FOXP2: variants seen among roughly 807,000 people sequenced by gnomAD.
The protein encoded by FOXP2 is forkhead box protein P2.
A neutral mutation model predicts 115.8 loss-of-function variants in FOXP2; 12 were observed. The observed-to-expected ratio is 0.10, with a 90% confidence interval of 0.07 to 0.17. FOXP2 has a LOEUF of 0.17. Among genes scored for constraint, FOXP2 ranks in the 10% least tolerant of loss-of-function variants. The probability of loss-of-function intolerance (pLI) is 1.00; values close to 1 mark genes in which losing one functional copy is unlikely to be tolerated. For missense variants in FOXP2, 629 were observed against 843.5 expected (o/e 0.75, Z 3.15); for synonymous variants, 328 against 297.7 (o/e 1.10, Z -1.05).
intron 1 of FOXP2, among the ~76,000 whole-genome samples, chr7:114,123,351 C>CAAAA (rs35721597): frequency 1.3e-5 from 1 of 78,368 alleles, no homozygotes; most frequent in South Asian, 4.5e-4. Flanking sequence ...AAAGCCCTGT[C>CAAAA]AAAAAAAAAA....
At chr7:114,342,561 C>T (rs1791243886) in intron 2 of FOXP2, among the ~76,000 whole-genome samples, 1 of 151,222 alleles carries the variant, frequency 6.6e-6, no homozygotes. Context: ...TTAAATGACA[C>T]CCATTTTGAA....
Position 114,691,198 on chromosome 7 carries a change from G to A in FOXP2, c.*1272G>A, listed in dbSNP as rs191245091. The A allele has an allele frequency of 2.0e-5, 9 of 453,822 alleles. No homozygotes were observed. Among genetic ancestry groups the A allele is most frequent in the Admixed American group, 1.6e-4 (7 of 42,540 alleles). The allele number at this position is 453,822 out of a possible 1,614,324, so 28.1% of individuals were successfully genotyped here. A position where few individuals can be genotyped will look rare whatever the true frequency, so the allele number is the denominator to read the frequency against. On this transcript the variant is annotated 3_prime_UTR_variant, in exon 17 of 17. Coordinates refer to ENST00000350908, the MANE Select transcript of FOXP2 (RefSeq NM_014491.4). ...CAGTTATTTTCAGTGGTGAATACAT[G>A]TTGTTAGAAGATGTCTTGTATGGTC... is the stretch of plus-strand genomic sequence containing the variant.
chr7:114,281,070 G>A (rs1796323430), intron 1 of FOXP2, among the ~76,000 whole-genome samples: 1 of 146,836 alleles, frequency 6.8e-6, no homozygotes, highest in Admixed American at 6.9e-5. Flanking sequence ...GACTGAAGGT[G>A]AGAAAGGCTT....
At chr7:114,118,803 A>G (rs1206372251) in intron 1 of FOXP2, among the ~76,000 whole-genome samples, 1 of 152,114 alleles carries the variant, frequency 6.6e-6, no homozygotes, top group Non-Finnish European at 1.5e-5. Flanking sequence ...ACAGTTACAG[A>G]GGTTTGCACA....
chr7:114,640,872 TG>T (rs1206247742), intron 6 of FOXP2, among the ~76,000 whole-genome samples: 4 of 152,134 alleles, frequency 2.6e-5, no homozygotes, highest in African/African-American at 9.7e-5. Flanking sequence ...TTGGGTGATT[TG>T]GGGGAACATA....
chr7:114,524,782 C>A (rs560477347), intron 2 of FOXP2, among the ~76,000 whole-genome samples: 71 of 152,028 alleles, frequency 4.7e-4, no homozygotes, highest in Non-Finnish European at 5.1e-4. Flanking sequence ...TACATTGCGA[C>A]GTAATTAAAT....
chr7:114,099,693 C>T (rs928391662), intron 1 of FOXP2, among the ~76,000 whole-genome samples: 2 of 152,108 alleles, frequency 1.3e-5, no homozygotes, highest in Admixed American at 1.3e-4. Flanking sequence ...GCATTGGTTC[C>T]AGGACCTCCC....
At chr7:114,365,836 TACCA>T (rs1791866316) in intron 2 of FOXP2, among the ~76,000 whole-genome samples, 6 of 152,294 alleles carry the variant, frequency 3.9e-5, no homozygotes, top group Non-Finnish European at 8.8e-5. Flanking sequence ...ATTACATCTC[TACCA>T]TCTATGGCTA....
chr7:114,593,949 A>G (rs1396207590), intron 3 of FOXP2, among the ~76,000 whole-genome samples: 2 of 152,040 alleles, frequency 1.3e-5, no homozygotes, highest in Non-Finnish European at 2.9e-5. Context: ...TCTTTACCTA[A>G]GTTTACCTAA....
chr7:114,647,920 G>A (rs535689708), intron 8 of FOXP2, among the ~76,000 whole-genome samples: 15 of 152,108 alleles, frequency 9.9e-5, no homozygotes, highest in African/African-American at 3.6e-4. Flanking sequence ...AGATACAAAG[G>A]TGGAAATACT....
At chr7:114,367,198 G>A (rs751467592) in intron 2 of FOXP2, among the ~76,000 whole-genome samples, 7 of 152,010 alleles carry the variant, frequency 4.6e-5, no homozygotes, top group Non-Finnish European at 8.8e-5. Context: ...GCCCATGAAT[G>A]AATAAAGTGG....
chr7:114,301,845 C>T (rs903715766), intron 2 of FOXP2, among the ~76,000 whole-genome samples: 1 of 152,090 alleles, frequency 6.6e-6, no homozygotes, highest in African/African-American at 2.4e-5. Context: ...GAGTATTTCC[C>T]CTGACTTCCA....
chr7:114,342,344 T>C (rs1036701275), intron 2 of FOXP2, among the ~76,000 whole-genome samples: 3 of 151,436 alleles, frequency 2.0e-5, no homozygotes, highest in Admixed American at 6.6e-5. Context: ...ACCTCTTAAA[T>C]ACTTAAACAT....
chr7:114,652,067 T>C, intron 8 of FOXP2, 136 bp from the exon 9 acceptor site: 1 of 769,616 alleles, frequency 1.3e-6, no homozygotes, highest in Non-Finnish European at 2.3e-6. Context: ...TTAACTTTTA[T>C]CTGTATGGTT....
intron 3 of FOXP2, among the ~76,000 whole-genome samples, chr7:114,607,103 C>T (rs958527338): frequency 6.6e-6 from 1 of 152,100 alleles, no homozygotes; most frequent in African/African-American, 2.4e-5. Context: ...TCCAGCAGAG[C>T]TACACTAGAT....
chr7:114,546,956 T>C (rs1428460693), intron 3 of FOXP2, among the ~76,000 whole-genome samples: 1 of 152,186 alleles, frequency 6.6e-6, no homozygotes, highest in Non-Finnish European at 1.5e-5. Context: ...TTGCTCCTTC[T>C]CCGTCCTATA....
At chr7:114,089,104 C>G (rs1799490487) in intron 1 of FOXP2, among the ~76,000 whole-genome samples, 1 of 152,172 alleles carries the variant, frequency 6.6e-6, no homozygotes, top group Non-Finnish European at 1.5e-5. Context: ...CCTAACTAGA[C>G]TCATATTCAG....
intron 1 of FOXP2, among the ~76,000 whole-genome samples, chr7:114,237,099 G>A (rs796205465): frequency 2.0e-5 from 3 of 152,234 alleles, no homozygotes; most frequent in African/African-American, 7.2e-5. Flanking sequence ...TGTGTGATAG[G>A]CTGTGTTTCT....
chr7:114,535,876 G>A (rs1223728648), intron 3 of FOXP2, among the ~76,000 whole-genome samples: 2 of 151,430 alleles, frequency 1.3e-5, no homozygotes, highest in Non-Finnish European at 1.5e-5. Flanking sequence ...TAATCACCCT[G>A]AGTTTAAGAT....
Sources: allele counts gnomAD v4.1 joint callset (sites outside exome capture counted in the v4.1 genomes callset), GRCh38; gene constraint gnomAD v4.1.1; transcripts MANE v1.5; gene names NCBI Gene and HGNC (gene_info 2026-07-23, HGNC 2026-07-21).